TRIM49C: variants seen among roughly 807,000 people sequenced by gnomAD.
The protein encoded by TRIM49C is tripartite motif-containing protein 49C.
A neutral mutation model predicts 21.4 loss-of-function variants in TRIM49C; 6 were observed. The observed-to-expected ratio is 0.28, with a 90% CI of 0.15 to 0.55. The LOEUF (loss-of-function observed/expected upper bound fraction) is 0.55. Ranked by LOEUF, TRIM49C falls within the 20% of genes least tolerant of loss-of-function variation. TRIM49C has a pLI of 0.94. For missense variants in TRIM49C, 161 were observed against 442.4 expected (o/e 0.36, Z 5.71); for synonymous variants, 57 against 148.1 (o/e 0.38, Z 4.47).
the TRIM49C span, among the ~76,000 whole-genome samples, chr11:90,057,048 C>G: frequency 6.8e-6 from 1 of 146,822 alleles, no homozygotes; most frequent in East Asian, 1.9e-4. Flanking sequence ...TTCAAATATA[C>G]AAGTAAGACA....
chr11:90,038,573 A>C lies in TRIM49C; in HGVS notation c.739-120A>C, dbSNP rs1287614327. 9.8e-6 allele frequency: 12 copies of C among 1,219,504 alleles called. 1 individual carries two copies. The highest frequency in any genetic ancestry group is 3.0e-5 in the African/African-American group (2 of 65,604). The allele number at this position is 1,219,504 out of a possible 1,614,324, so 75.5% of individuals were successfully genotyped here. A position where few individuals can be genotyped will look rare whatever the true frequency, so the allele number is the denominator to read the frequency against. The stretch of plus-strand genomic sequence containing the variant: ...ACAGAAGAAATAGAAAATACTTTCC[A>C]GAAGAGAAGATGGTAGGGAAATAAT... On this transcript the variant is annotated intron_variant, in intron 5 of 7. Coordinates refer to ENST00000448984, the MANE Select transcript of TRIM49C (RefSeq NM_001195234.1).
chr11:90,069,072 G>C, the TRIM49C span, among the ~76,000 whole-genome samples: 1 of 132,346 alleles, frequency 7.6e-6, no homozygotes, highest in African/African-American at 3.0e-5. Flanking sequence ...AAGAATCATA[G>C]ACAAAAATTG....
chr11:90,051,997 GC>G, the TRIM49C span: 2 of 1,044,802 alleles, frequency 1.9e-6, no homozygotes, highest in Non-Finnish European at 2.7e-6. Context: ...CTTCCGCGCT[GC>G]CCTCTTGGGC....
chr11:90,049,206 G>A, the TRIM49C span, among the ~76,000 whole-genome samples: 1 of 120,852 alleles, frequency 8.3e-6, no homozygotes, highest in Non-Finnish European at 1.7e-5. Context: ...AGGCTACTCA[G>A]GGACCAACTT....
chr11:90,073,380 G>C, the TRIM49C span: 1 of 623,532 alleles, frequency 1.6e-6, no homozygotes, highest in African/African-American at 2.1e-5. Flanking sequence ...TTTTACACTG[G>C]CCACAGATGA....
At chr11:90,040,957 C>T (rs1473436676) in intron 7 of TRIM49C, 94 bp from the exon 8 acceptor site, 5 of 1,449,986 alleles carry the variant, frequency 3.4e-6, no homozygotes, top group Non-Finnish European at 4.5e-6. Context: ...TATGACTTTA[C>T]ATTTGCTGGT....
At chr11:90,040,979 T>C (rs1223465435) in intron 7 of TRIM49C, 72 bp from the exon 8 acceptor site, 4 of 1,461,568 alleles carry the variant, frequency 2.7e-6, no homozygotes, top group African/African-American at 2.9e-5. Context: ...AAGTAACTTC[T>C]TGATAGAACA....
In TRIM49C at chr11:90,041,188, G is replaced by A; in HGVS notation, c.997G>A (p.Val333Ile). 1.9e-6 allele frequency: 3 copies of A among 1,598,622 alleles called. No homozygotes were observed. The highest frequency in any genetic ancestry group is 2.6e-6 in the Non-Finnish European group (3 of 1,172,362). Residue 333 changes from valine (V) to isoleucine (I), a missense_variant, in exon 8 of 8, where the codon GTT becomes ATT. Physicochemically the swap from Val to Ile is conservative, Grantham distance 29 (BLOSUM62 3). This residue lies in a region of TRIM49C where 80 missense variants were observed against 314.8 expected (regional missense o/e 0.25). Coordinates refer to ENST00000448984, the MANE Select transcript of TRIM49C (RefSeq NM_001195234.1). ...ACCTAGAAGTTTTCTTGCATGGGGTGTTCAGACTTTCACCTCGGGCAAATA... is the reference window on the plus strand; with the variant it reads ...ACCTAGAAGTTTTCTTGCATGGGGTATTCAGACTTTCACCTCGGGCAAATA... ...ATPRSFLAWG[V>I]QTFTSGKYYW...
At chr11:90,072,216 T>A in the TRIM49C span, among the ~76,000 whole-genome samples, 1 of 142,654 alleles carries the variant, frequency 7.0e-6, no homozygotes, top group African/African-American at 2.5e-5. Context: ...ATAATTTTAA[T>A]CACGTGCATT....
the TRIM49C span, among the ~76,000 whole-genome samples, chr11:90,065,644 A>C: frequency 7.1e-6 from 1 of 141,188 alleles, no homozygotes; most frequent in South Asian, 2.4e-4. Flanking sequence ...AAGTTGACTT[A>C]ACACAGTTTA....
chr11:90,071,379 T>C, the TRIM49C span, among the ~76,000 whole-genome samples: 34 of 141,548 alleles, frequency 2.4e-4, 5 homozygotes, highest in South Asian at 7.1e-3. Flanking sequence ...CTTTTCCAAG[T>C]GACTCAGGGG....
At position 90,037,063 on chromosome 11, in the gene TRIM49C, G is replaced by A. The variant is rs1230073218; in HGVS notation, c.508-686G>A. ...TATATGTATGTATGTGTGTGTGGTT[G>A]TGTGTATATATGTATGTATGTATGT... On this transcript the variant is annotated intron_variant, in intron 4 of 7. Transcript: ENST00000448984. 1.6e-3 allele frequency among the ~76,000 whole-genome samples: 76 copies of A among 48,780 alleles called. 4 individuals are homozygous for A. The highest frequency in any genetic ancestry group is 5.0e-3 in the African/African-American group (68 of 13,636). The allele number at this position is 48,780 out of a possible 152,430, so 32.0% of individuals were successfully genotyped here.
At chr11:90,043,464 C>G (rs1028989946), downstream of TRIM49C, among the ~76,000 whole-genome samples, 17 of 122,338 alleles carry the variant, frequency 1.4e-4, 1 homozygote, top group African/African-American at 4.2e-4. Context: ...TAACACAAAC[C>G]AATATATTAT....
the TRIM49C span, among the ~76,000 whole-genome samples, chr11:90,064,384 A>G: frequency 6.6e-6 from 1 of 151,204 alleles, no homozygotes; most frequent in African/African-American, 2.4e-5. Flanking sequence ...ATTATCTTCT[A>G]AAATAACAAC....
chr11:90,043,231 T>C (rs1260165703), downstream of TRIM49C, among the ~76,000 whole-genome samples: 1 of 144,832 alleles, frequency 6.9e-6, no homozygotes, highest in Non-Finnish European at 1.5e-5. Context: ...TCCAGACCAG[T>C]GGAGGCAACA....
At chr11:90,053,898 T>C in the TRIM49C span, among the ~76,000 whole-genome samples, 491 of 144,920 alleles carry the variant, frequency 3.4e-3, 22 homozygotes, top group African/African-American at 0.011. Flanking sequence ...TTTACTTTAA[T>C]TTTCTTAGGA....
chr11:90,059,905 G>C, the TRIM49C span, among the ~76,000 whole-genome samples: 1 of 140,518 alleles, frequency 7.1e-6, no homozygotes, highest in African/African-American at 2.7e-5. Context: ...TCCTCCCTCT[G>C]TCTTTTTTTT....
Position 90,035,966 on chromosome 11 carries a change from A to G in TRIM49C, c.490A>G (p.Arg164Gly), listed in dbSNP as rs1309377675. ...CAGAAACCTGAATGTGGAAACCACC[A>G]GAACCAGATGCTGGAAGGTTAGTCC... ...NHRNLNVETT[R>G]TRCWKDYVNL... Residue 164 changes from arginine (R) to glycine (G), a missense_variant, in exon 4 of 8, where the codon AGA becomes GGA. This residue lies in a region of TRIM49C where 80 missense variants were observed against 314.8 expected (regional missense o/e 0.25). Transcript: ENST00000448984. 1.2e-6 allele frequency: 1 copy of G among 858,652 alleles called. No homozygotes were observed. Among genetic ancestry groups the G allele is most frequent in the Non-Finnish European group, 1.5e-6 (1 of 645,904 alleles). The allele number at this position is 858,652 out of a possible 1,614,324, so 53.2% of individuals were successfully genotyped here.
the TRIM49C span, among the ~76,000 whole-genome samples, chr11:90,072,439 A>C: frequency 1.7e-4 from 25 of 146,296 alleles, no homozygotes; most frequent in East Asian, 3.0e-3. Flanking sequence ...CAGAAGGCAG[A>C]TTCAGATTTT....
Sources: gnomAD v4.1 joint callset for allele counts (sites outside exome capture counted in the v4.1 genomes callset) on GRCh38, gnomAD v4.1.1 for gene constraint, gnomAD v4.1.1 regional missense constraint, MANE v1.5 for transcripts, NCBI Gene and HGNC (gene_info 2026-07-23, HGNC 2026-07-21) for gene names.